Variants in AGAP1 observed in about 807,000 individuals in gnomAD.
AGAP1 encodes ArfGAP with GTPase domain, ankyrin repeat and PH domain 1.
A neutral mutation model predicts 105.3 loss-of-function variants in AGAP1; 29 were observed. That is an observed-to-expected ratio of 0.28 (90% CI 0.21 to 0.38). The LOEUF (loss-of-function observed/expected upper bound fraction) is 0.38, where lower values mean the gene tolerates loss of function less well. Among genes scored for constraint, AGAP1 ranks in the 10% least tolerant of loss-of-function variants. The pLI is 1.00. For synonymous variants in AGAP1, 509 were observed against 485.9 expected (o/e 1.05, Z -0.63); for missense variants, 998 against 1,165.1 (o/e 0.86, Z 2.09).
chr2:235,703,757 C>T (rs7575489), intron 1 of AGAP1, among the ~76,000 whole-genome samples: 11,657 of 152,078 alleles, frequency 0.077, 1,453 homozygotes, highest in African/African-American at 0.26. Flanking sequence ...CCACCATGCC[C>T]GGCTAATTTT....
intron 15 of AGAP1, among the ~76,000 whole-genome samples, chr2:236,043,688 T>C (rs1366728132): frequency 6.7e-6 from 1 of 148,856 alleles, no homozygotes; most frequent in Non-Finnish European, 1.5e-5. Flanking sequence ...GTCATTGCAC[T>C]CCATCCTGGG....
In AGAP1 at chr2:236,044,799, CCTGCTGTTCT is replaced by C. The variant is rs2057667381; in HGVS notation, c.1891+3959_1891+3968del. ...CACACACACACACACATCCCTACTC[CCTGCTGTTCT>C]GCCCTGGGGGCTTCCTGGCTCTGGT... is the stretch of plus-strand genomic sequence containing the variant. On this transcript the variant is annotated intron_variant, in intron 15 of 17. Transcript: ENST00000304032. This position sits in a 1 kb window ranked among gnomAD's most constrained non-coding sequence, Gnocchi z 5.7. Among the ~76,000 whole-genome samples the C allele has an allele frequency of 6.6e-6, 1 of 152,006 alleles. No individual in the cohort carries two copies. Among genetic ancestry groups the C allele is most frequent in the Non-Finnish European group, 1.5e-5 (1 of 67,996 alleles).
rs1245685776 is a variant in AGAP1 at position 235,629,822 on chromosome 2, C to G, written c.164-79357C>G. On this transcript the variant is annotated intron_variant, in intron 1 of 17. Coordinates refer to ENST00000304032, the MANE Select transcript of AGAP1 (RefSeq NM_001037131.3). ...AAGACTGCAGTGAGCCATGATCATA[C>G]TACTGCACTCCAGCCTGGGTGACTG... Among the ~76,000 whole-genome samples, 3 of 139,236 alleles carry G rather than the reference C, an allele frequency of 2.2e-5. No homozygotes were observed. In the Admixed American group the frequency reaches 2.3e-4, roughly 11 times the overall value. 91.3% of individuals were successfully genotyped at this position (139,236 alleles called of 152,430 possible).
intron 9 of AGAP1, among the ~76,000 whole-genome samples, chr2:235,881,975 TA>T (rs1298026729): frequency 6.6e-6 from 1 of 152,068 alleles, no homozygotes. Flanking sequence ...AAGGAAACTG[TA>T]AAAAAATTCT....
chr2:235,671,218 G>A (rs1948403781), intron 1 of AGAP1, among the ~76,000 whole-genome samples: 1 of 152,210 alleles, frequency 6.6e-6, no homozygotes, highest in Admixed American at 6.5e-5. Context: ...GGGCGCAGCG[G>A]TCCTGGGTTT....
rs558259802 is a variant in AGAP1 at position 235,609,693 on chromosome 2, C to T, written c.164-99486C>T. ...ATGGTAAACGTCCCTGGTTCTGTAC[C>T]GGAGGAACAGGAGCTCTGGAGGTCT... On this transcript the variant is annotated intron_variant, in intron 1 of 17. Coordinates refer to ENST00000304032, the MANE Select transcript of AGAP1 (RefSeq NM_001037131.3). This position sits in a 1 kb window ranked among gnomAD's most constrained non-coding sequence, Gnocchi z 5.1. 1.3e-5 allele frequency among the ~76,000 whole-genome samples: 2 copies of T among 152,148 alleles called. No homozygotes were observed. The highest frequency in any genetic ancestry group is 2.1e-4 in the South Asian group (1 of 4,820).
chr2:235,830,956 G>A lies in AGAP1; in HGVS notation c.1050+23625G>A, dbSNP rs964652384. On this transcript the variant is annotated intron_variant, in intron 9 of 17. Coordinates refer to ENST00000304032, the MANE Select transcript of AGAP1 (RefSeq NM_001037131.3). The surrounding 1 kb of genome is among the most constrained non-coding windows in gnomAD (Gnocchi z 5.5). Reference sequence around the variant, plus strand: ...TCCTGTGAGAATGCTGATGGGTGCCGCCTCCTCACCTGTGTGTCGCAGGTG... The same window carrying A: ...TCCTGTGAGAATGCTGATGGGTGCCACCTCCTCACCTGTGTGTCGCAGGTG... 3.9e-5 allele frequency among the ~76,000 whole-genome samples: 6 copies of A among 152,126 alleles called. No individual in the cohort carries two copies. The highest frequency in any genetic ancestry group is 4.8e-5 in the African/African-American group (2 of 41,480).
intron 1 of AGAP1, among the ~76,000 whole-genome samples, chr2:235,618,604 C>A (rs1045896493): frequency 6.6e-6 from 1 of 152,090 alleles, no homozygotes; most frequent in Non-Finnish European, 1.5e-5. Flanking sequence ...TATTAAGGTC[C>A]ATTTTTAAGC....
intron 6 of AGAP1, among the ~76,000 whole-genome samples, chr2:235,783,695 G>T (rs537260071): frequency 1.3e-5 from 2 of 152,150 alleles, no homozygotes; most frequent in East Asian, 3.9e-4. Context: ...GAAAGAAATC[G>T]GAAGAATGGT....
intron 1 of AGAP1, among the ~76,000 whole-genome samples, chr2:235,512,906 G>T (rs539603135): frequency 6.6e-6 from 1 of 152,332 alleles, no homozygotes; most frequent in African/African-American, 2.4e-5. Context: ...AATACACTGT[G>T]CCATTAATGC....
At chr2:235,529,278 T>C (rs555635024) in intron 1 of AGAP1, among the ~76,000 whole-genome samples, 2 of 152,366 alleles carry the variant, frequency 1.3e-5, no homozygotes, top group East Asian at 3.9e-4. Context: ...GGCTACTTTG[T>C]GCTGATGGTT....
chr2:235,774,244 C>T (rs958129605), intron 6 of AGAP1: 3 of 420,824 alleles, frequency 7.1e-6, no homozygotes, highest in South Asian at 1.8e-5. Flanking sequence ...CTGGAAAATC[C>T]GTAAGGCAGA....
chr2:235,816,415 G>A (rs1575541395), intron 9 of AGAP1, among the ~76,000 whole-genome samples: 1 of 146,890 alleles, frequency 6.8e-6, no homozygotes, highest in East Asian at 2.0e-4. Context: ...TCCAGCCTGG[G>A]TGGCAGAGCG....
At chr2:235,673,886 T>C (rs1248812010) in intron 1 of AGAP1, among the ~76,000 whole-genome samples, 1 of 152,240 alleles carries the variant, frequency 6.6e-6, no homozygotes, top group African/African-American at 2.4e-5. Flanking sequence ...GCTACAGAAA[T>C]CTAAAGACTA....
At chr2:236,024,187 C>T (rs1189868267) in intron 13 of AGAP1, among the ~76,000 whole-genome samples, 5 of 151,874 alleles carry the variant, frequency 3.3e-5, no homozygotes, top group African/African-American at 9.7e-5. Flanking sequence ...CACACCACCA[C>T]GCCCAGCTAA....
At chr2:235,512,030 A>AAT (rs1942157557) in intron 1 of AGAP1, among the ~76,000 whole-genome samples, 1 of 27,492 alleles carries the variant, frequency 3.6e-5, no homozygotes, top group Non-Finnish European at 5.7e-5. Context: ...GTGAGGTGTG[A>AAT]ATGTGTGTGA....
Position 235,504,141 on chromosome 2 carries a change from C to G in AGAP1, c.163+9292C>G, listed in dbSNP as rs972181246. Among the ~76,000 whole-genome samples the G allele has an allele frequency of 2.8e-4, 42 of 151,774 alleles. 1 individual carries two copies. Among genetic ancestry groups the G allele is most frequent in the Admixed American group, 2.1e-3 (32 of 15,188 alleles). The stretch of plus-strand genomic sequence containing the variant: ...ACAGGCTTGAGCCACCACGCCCAGC[C>G]TCGAACTCTCTTTTTTTTTTGACAC... On this transcript the variant is annotated intron_variant, in intron 1 of 17. Coordinates refer to ENST00000304032, the MANE Select transcript of AGAP1 (RefSeq NM_001037131.3).
chr2:235,567,420 ACCTGCCTGGTCAT>A (rs1311839559), intron 1 of AGAP1, among the ~76,000 whole-genome samples: 2 of 152,074 alleles, frequency 1.3e-5, no homozygotes, highest in African/African-American at 4.8e-5. Flanking sequence ...TAGCTTGAGC[ACCTGCCTGGTCAT>A]CCTCTGCAAG....
At position 235,712,751 on chromosome 2, in the gene AGAP1, C is replaced by A. The variant is rs1396254899; in HGVS notation, c.222+3514C>A. ...TGGCAACCTCTTCCTGCCTTAAGTA[C>A]GTAGTTCTGTGATTTTCAAGACACC... On this transcript the variant is annotated intron_variant, in intron 2 of 17. Transcript: ENST00000304032. This position sits in a 1 kb window ranked among gnomAD's most constrained non-coding sequence, Gnocchi z 6.0. Among the ~76,000 whole-genome samples the A allele has an allele frequency of 6.6e-6, 1 of 152,142 alleles. No homozygotes were observed. Among genetic ancestry groups the A allele is most frequent in the African/African-American group, 2.4e-5 (1 of 41,430 alleles).
Sources: allele counts gnomAD v4.1 joint callset (sites outside exome capture counted in the v4.1 genomes callset), GRCh38; gene constraint gnomAD v4.1.1; non-coding constraint Gnocchi (gnomAD v3.1); transcripts MANE v1.5; gene names NCBI Gene and HGNC (gene_info 2026-07-23, HGNC 2026-07-21).